The following LMBR1 variants were observed in gnomAD, a reference collection of about 807,000 sequenced individuals.
LMBR1 encodes limb development membrane protein 1.
A neutral mutation model predicts 73.9 loss-of-function variants in LMBR1; 52 were observed. The observed-to-expected ratio is 0.70, with a 90% CI of 0.56 to 0.89. LMBR1 has a LOEUF of 0.89. Among genes scored for constraint, LMBR1 ranks in the 40% least tolerant of loss-of-function variants. The pLI is 0.00. For missense variants in LMBR1, 539 were observed against 579.8 expected (o/e 0.93, Z 0.72); for synonymous variants, 215 against 209.4 (o/e 1.03, Z -0.23).
chr7:156,704,537 A>C (rs1224192717), intron 15 of LMBR1, among the ~76,000 whole-genome samples: 1 of 152,168 alleles, frequency 6.6e-6, no homozygotes, highest in African/African-American at 2.4e-5. Flanking sequence ...AAAAGGCCTG[A>C]AAAAGCCAAG....
At chr7:156,752,149 G>A (rs1821018637) in intron 9 of LMBR1, among the ~76,000 whole-genome samples, 1 of 152,208 alleles carries the variant, frequency 6.6e-6, no homozygotes, top group Non-Finnish European at 1.5e-5. Context: ...ACATTTCGAG[G>A]AGGAAAGAGA....
chr7:156,881,650 T>C (rs1801106577), intron 1 of LMBR1, among the ~76,000 whole-genome samples: 1 of 152,042 alleles, frequency 6.6e-6, no homozygotes, highest in Non-Finnish European at 1.5e-5. Flanking sequence ...AGTAACTTGA[T>C]TAAAAAACAG....
At chr7:156,671,920 A>G (rs1426401325) in intron 4 of LMBR1, among the ~76,000 whole-genome samples, 1 of 152,216 alleles carries the variant, frequency 6.6e-6, no homozygotes, top group Non-Finnish European at 1.5e-5. Context: ...ACAAAATTAT[A>G]ATGGAAATGA....
Position 156,734,290 on chromosome 7 carries a change from C to A in LMBR1, c.758-33G>T, listed in dbSNP as rs546727747. 4.2e-6 allele frequency: 6 copies of A among 1,444,736 alleles called. No individual in the cohort carries two copies. The African/African-American group carries it at 8.5e-5, about 21-fold the overall frequency. 89.5% of individuals were successfully genotyped at this position (1,444,736 alleles called of 1,614,324 possible). On this transcript the variant is annotated intron_variant, in intron 9 of 16. Transcript: ENST00000353442. The stretch of plus-strand genomic sequence containing the variant: ...AAGCAAAAAATATTTAGAAGTAAAA[C>A]AGAACCCCTAACACTATAGAACAGG...
At chr7:156,844,875 A>G (rs1159533940) in intron 1 of LMBR1, among the ~76,000 whole-genome samples, 1 of 152,222 alleles carries the variant, frequency 6.6e-6, no homozygotes, top group African/African-American at 2.4e-5. Flanking sequence ...ACACAGTCAT[A>G]AGTAACTGAA....
intron 4 of LMBR1, among the ~76,000 whole-genome samples, chr7:156,820,380 G>C (rs952632900): frequency 2.0e-5 from 3 of 152,126 alleles, no homozygotes; most frequent in African/African-American, 7.2e-5. Context: ...TTATAATTTA[G>C]TTCACAGAAA....
intron 1 of LMBR1, among the ~76,000 whole-genome samples, chr7:156,849,569 AG>A (rs1795965894): frequency 6.6e-6 from 1 of 151,268 alleles, no homozygotes; most frequent in South Asian, 2.1e-4. Flanking sequence ...AAGTGAAAGA[AG>A]TCAATTTGAA....
At chr7:156,836,969 G>T (rs746227086) in intron 1 of LMBR1, 84 bp from the exon 2 acceptor site, 19 of 860,984 alleles carry the variant, frequency 2.2e-5, no homozygotes, top group Non-Finnish European at 3.4e-5. Context: ...GATATTTATA[G>T]GAAAAAAGGA....
At chr7:156,800,494 A>AAAAAAAAAAAAAAT (rs1830769771) in intron 4 of LMBR1, among the ~76,000 whole-genome samples, 1 of 151,794 alleles carries the variant, frequency 6.6e-6, no homozygotes, top group African/African-American at 2.4e-5. Flanking sequence ...AAAAAAAAAA[A>AAAAAAAAAAAAAAT]AAAAAAGATT....
chr7:156,723,568 A>G (rs1270767569), intron 15 of LMBR1, among the ~76,000 whole-genome samples: 1 of 152,182 alleles, frequency 6.6e-6, no homozygotes, highest in Non-Finnish European at 1.5e-5. Flanking sequence ...TTAAAAGATT[A>G]TCAAATTCTC....
At chr7:156,711,486 G>A (rs751696509) in intron 15 of LMBR1, among the ~76,000 whole-genome samples, 26 of 151,840 alleles carry the variant, frequency 1.7e-4, no homozygotes, top group Admixed American at 6.6e-5. Flanking sequence ...TATTTTTCAC[G>A]TAATTAAAAA....
chr7:156,783,197 G>A (rs1212935646), intron 5 of LMBR1, among the ~76,000 whole-genome samples: 1 of 151,236 alleles, frequency 6.6e-6, no homozygotes, highest in Non-Finnish European at 1.5e-5. Context: ...TTTGAGACAG[G>A]GTCTTCCTTT....
intron 1 of LMBR1, among the ~76,000 whole-genome samples, chr7:156,878,352 G>A (rs1164295307): frequency 1.3e-5 from 2 of 152,210 alleles, no homozygotes; most frequent in East Asian, 3.8e-4. Flanking sequence ...GAATTCAGCA[G>A]TTTCAGGATA....
Position 156,751,389 on chromosome 7 carries a change from G to A in LMBR1, c.757+5004C>T, listed in dbSNP as rs74887238. 6.7e-3 allele frequency among the ~76,000 whole-genome samples: 1,013 copies of A among 152,238 alleles called. 10 individuals carry two copies. Among genetic ancestry groups the A allele is most frequent in the African/African-American group, 0.023 (949 of 41,540 alleles). ...ACAATAAAAATGCCCCAAGGGAAGG[G>A]GCTCAGTGGGGGAAGAGCAAAGAGA... On this transcript the variant is annotated intron_variant, in intron 9 of 16. Coordinates refer to ENST00000353442, the MANE Select transcript of LMBR1 (RefSeq NM_022458.4).
At chr7:156,808,202 G>T (rs12533966) in intron 4 of LMBR1, among the ~76,000 whole-genome samples, 137 of 152,146 alleles carry the variant, frequency 9.0e-4, no homozygotes, top group Non-Finnish European at 1.5e-3. Context: ...TGAAAGAAGG[G>T]TGTTGAAATA....
intron 10 of LMBR1, among the ~76,000 whole-genome samples, chr7:156,730,558 C>T (rs1482478117): frequency 6.6e-6 from 1 of 152,178 alleles, no homozygotes; most frequent in African/African-American, 2.4e-5. Flanking sequence ...AGCAAAAGTA[C>T]ATCCTCCCAA....
At chr7:156,838,652 T>C (rs1404815271) in intron 1 of LMBR1, among the ~76,000 whole-genome samples, 3 of 152,206 alleles carry the variant, frequency 2.0e-5, no homozygotes, top group African/African-American at 4.8e-5. Context: ...ACAACTTCAC[T>C]ATTGTGAACA....
intron 12 of LMBR1, chr7:156,726,056 A>C (rs1815682400): frequency 4.9e-6 from 2 of 404,650 alleles, no homozygotes; most frequent in East Asian, 7.7e-5. Flanking sequence ...AAGAAAAATT[A>C]CTTATCTCAA....
At chr7:156,772,648 G>A (rs1215164254) in intron 5 of LMBR1, among the ~76,000 whole-genome samples, 2 of 152,156 alleles carry the variant, frequency 1.3e-5, no homozygotes, top group Admixed American at 6.5e-5. Context: ...AGGCATTTGA[G>A]ACCAGCCTGA....
Sources: allele counts gnomAD v4.1 joint callset (sites outside exome capture counted in the v4.1 genomes callset), GRCh38; gene constraint gnomAD v4.1.1; transcripts MANE v1.5; gene names NCBI Gene and HGNC (gene_info 2026-07-23, HGNC 2026-07-21).